GRHL1: variants seen among roughly 807,000 people sequenced by gnomAD.
The protein encoded by GRHL1 is grainyhead-like protein 1 homolog.
GRHL1 carries 38 observed loss-of-function variants against 75.7 expected under a neutral mutation model. The observed-to-expected ratio is 0.50, with a 90% CI of 0.39 to 0.66. GRHL1 has a LOEUF of 0.66. Ranked by LOEUF, GRHL1 falls within the 30% of genes least tolerant of loss-of-function variation. The pLI is 0.00. For synonymous variants in GRHL1, 266 were observed against 279.4 expected, an observed-to-expected ratio of 0.95 and a Z score of 0.48; for missense variants, 589 against 767.5, an observed-to-expected ratio of 0.77 and a Z score of 2.75.
rs1323046947 is a variant in GRHL1, at chr2:9,992,027, C to T, written c.1342C>T (p.Leu448=). The change falls in exon 11 of 16, where the codon CTG becomes TTG. Residue 448 remains leucine, a synonymous_variant. Transcript: ENST00000324907. This position sits in a 1 kb window ranked among gnomAD's most constrained non-coding sequence, Gnocchi z 4.6. ...TTCAGTTTCTGATGTTAAAGTGCCA[C>T]TGCTTCCCTCTCACAAGCGAATGGA... ...KRKVSDVKVP[L]LPSHKRMDIT... 6.2e-7 allele frequency: 1 copy of T among 1,604,660 alleles called. No homozygotes were observed. Among genetic ancestry groups the T allele is most frequent in the East Asian group, 2.2e-5 (1 of 44,778 alleles).
rs1553306759 is a variant in GRHL1 at position 9,998,423 on chromosome 2, C to CGTGTGTGTGT, written c.1678-542_1678-541insGTGTGTGTGT. ...AAAAACAAAAAGTCGAGTGACTATG[C>CGTGTGTGTGT]ATGTGTGTGTGTGTGTGTGTGTGTG... On this transcript the variant is annotated intron_variant, in intron 14 of 15. Transcript: ENST00000324907. Among the ~76,000 whole-genome samples, 258 of 33,846 alleles carry CGTGTGTGTGT rather than the reference C, an allele frequency of 7.6e-3. 9 individuals carry two copies. The highest frequency in any genetic ancestry group is 0.023 in the Admixed American group (57 of 2,464). 22.2% of individuals were successfully genotyped at this position (33,846 alleles called of 152,430 possible). A position where few individuals can be genotyped will look rare whatever the true frequency, so the allele number is the denominator to read the frequency against.
chr2:9,988,118 T>C (rs941035038), intron 9 of GRHL1, among the ~76,000 whole-genome samples: 4 of 152,200 alleles, frequency 2.6e-5, no homozygotes, highest in African/African-American at 9.7e-5. Context: ...TTCACCTTCC[T>C]GGGTGCTCGA....
At chr2:10,000,404 C>T (rs1037963043) in intron 15 of GRHL1, among the ~76,000 whole-genome samples, 189 bp from the exon 16 acceptor site, 9 of 152,316 alleles carry the variant, frequency 5.9e-5, no homozygotes, top group Admixed American at 5.2e-4. Flanking sequence ...TCAATTCTCT[C>T]AGCAATCCTA....
chr2:9,961,101 G>C lies in GRHL1; in HGVS notation c.334G>C (p.Val112Leu). The C allele has an allele frequency of 1.3e-6, 2 of 1,570,334 alleles. No homozygotes were observed. The highest frequency in any genetic ancestry group is 8.6e-7 in the Non-Finnish European group (1 of 1,156,992). ...CCTCATCTCTGCTGGAGAAAACAGA[G>C]TGCAAGTACTGAAAAATGTGCCATT... The part of the protein sequence containing the change: ...QPLISAGENR[V>L]QVLKNVPFNI... Residue 112 changes from valine (V) to leucine (L), a missense_variant, in exon 4 of 16, where the codon GTG becomes CTG. Around this residue, in one of 5 missense-constraint regions of GRHL1, gnomAD observed 362 missense variants for 461.8 expected, o/e 0.78. Transcript: ENST00000324907.
At chr2:9,983,923 G>A (rs1192292761) in intron 8 of GRHL1, among the ~76,000 whole-genome samples, 1 of 151,930 alleles carries the variant, frequency 6.6e-6, no homozygotes, top group African/African-American at 2.4e-5. Context: ...TTGGGAGGCC[G>A]AGGTGGGCGG....
intron 8 of GRHL1, among the ~76,000 whole-genome samples, chr2:9,981,516 C>T (rs1341132749): frequency 6.6e-6 from 1 of 152,230 alleles, no homozygotes; most frequent in Non-Finnish European, 1.5e-5. Flanking sequence ...CAGCTAGGTG[C>T]CTGCTTATAT....
chr2:9,998,773 CATATATACGT>C (rs1669093675), intron 14 of GRHL1, among the ~76,000 whole-genome samples, 182 bp from the exon 15 acceptor site: 1 of 28,378 alleles, frequency 3.5e-5, no homozygotes, highest in African/African-American at 2.4e-4. Context: ...TATGTACACA[CATATATACGT>C]ATATATATGT....
chr2:9,955,857 A>T (rs997218288), intron 2 of GRHL1, among the ~76,000 whole-genome samples: 2 of 152,210 alleles, frequency 1.3e-5, no homozygotes, highest in Non-Finnish European at 2.9e-5. Flanking sequence ...TCACCTCTCC[A>T]TTCTTCCTTC....
Position 9,996,340 on chromosome 2 carries a change from CAGA to C in GRHL1, c.1622_1624del (p.Glu541del), listed in dbSNP as rs747878550. 4.3e-6 allele frequency: 7 copies of C among 1,612,590 alleles called. No homozygotes were observed. The highest frequency in any genetic ancestry group is 1.3e-5 in the African/African-American group (1 of 74,870). On this transcript the variant is annotated inframe_deletion, in exon 14 of 16. Transcript: ENST00000324907. ...GTGCTGCTCTACGTTCGAAAGGAGT[CAGA>C]AGAAGTCTTTGATGCCCTGATGCTC...
At chr2:9,996,427 C>G in intron 14 of GRHL1, 26 bp downstream of exon 14, 1 of 1,388,660 alleles carries the variant, frequency 7.2e-7, no homozygotes, top group Non-Finnish European at 1.0e-6. Context: ...TCTGTAATCC[C>G]CTGTACAAAA....
chr2:9,999,972 T>G (rs1181019735), intron 15 of GRHL1, among the ~76,000 whole-genome samples: 1 of 152,216 alleles, frequency 6.6e-6, no homozygotes, highest in Non-Finnish European at 1.5e-5. Context: ...TGTAAGTTAG[T>G]GTTATTGATG....
At chr2:9,965,903 A>T (rs1306899522) in intron 8 of GRHL1, 1 of 152,250 alleles carries the variant, frequency 6.6e-6, no homozygotes, top group Non-Finnish European at 1.5e-5. Context: ...AGTTGGAGTA[A>T]CTCTAATTGG....
chr2:9,955,749 G>T (rs1421565773), intron 2 of GRHL1, among the ~76,000 whole-genome samples: 3 of 152,230 alleles, frequency 2.0e-5, no homozygotes, highest in Non-Finnish European at 4.4e-5. Flanking sequence ...CTCACTCAGA[G>T]GTCACAGCTA....
At chr2:9,954,745 C>A (rs1285823553) in intron 1 of GRHL1, 170 bp from the exon 2 acceptor site, 1 of 671,248 alleles carries the variant, frequency 1.5e-6, no homozygotes, top group Non-Finnish European at 2.7e-6. Context: ...ACTGTGGGAC[C>A]CATTGGTCTG....
rs768021121 is a variant in GRHL1, at chr2:9,954,931, G to T, written c.37G>T (p.Val13Phe). 1.2e-6 allele frequency: 2 copies of T among 1,613,354 alleles called. No homozygotes were observed. The highest frequency in any genetic ancestry group is 8.5e-7 in the Non-Finnish European group (1 of 1,179,354). The change falls in exon 2 of 16, where the codon GTT (valine) becomes TTT (phenylalanine). Residue 13 changes from valine to phenylalanine, a missense_variant. Physicochemically the swap from Val to Phe is conservative, Grantham distance 50. Around this residue, in one of 5 missense-constraint regions of GRHL1, gnomAD observed 362 missense variants for 461.8 expected, o/e 0.78. Transcript: ENST00000324907. The stretch of plus-strand genomic sequence containing the variant: ...TCTCTGAAGCAAACGGCCAGTGTTG[G>T]TTCTTCAGAATGAAGCACTTTATCC... ...QEYDNKRPVLVLQNEALYPQR... is the reference protein window; with the variant it reads ...QEYDNKRPVLFLQNEALYPQR...
Position 9,951,734 on chromosome 2 carries a change from C to T in GRHL1, c.-100C>T, listed in dbSNP as rs1430244188. On this transcript the variant is annotated 5_prime_UTR_variant, in exon 1 of 16. Transcript: ENST00000324907. This position sits in a 1 kb window ranked among gnomAD's most constrained non-coding sequence, Gnocchi z 4.2. The stretch of plus-strand genomic sequence containing the variant: ...ACCCAACCCGTCGGGGCCGCCGCTC[C>T]GGACCCGCAGCCGCCGCCGCCGCCT... 7 of 1,169,906 alleles carry T rather than the reference C, an allele frequency of 6.0e-6. No homozygotes were observed. The highest frequency in any genetic ancestry group is 5.5e-5 in the South Asian group (4 of 72,380). The allele number at this position is 1,169,906 out of a possible 1,614,324, so 72.5% of individuals were successfully genotyped here.
At position 9,951,905 on chromosome 2, in the gene GRHL1, C is replaced by A; in HGVS notation, c.20+52C>A. 1.5e-6 allele frequency: 2 copies of A among 1,323,982 alleles called. No individual in the cohort carries two copies. The highest frequency in any genetic ancestry group is 1.5e-5 in the South Asian group (1 of 67,190). The allele number at this position is 1,323,982 out of a possible 1,614,324, so 82.0% of individuals were successfully genotyped here. On this transcript the variant is annotated intron_variant, in intron 1 of 15. Coordinates refer to ENST00000324907, the MANE Select transcript of GRHL1 (RefSeq NM_198182.3). The surrounding 1 kb of genome is among the most constrained non-coding windows in gnomAD (Gnocchi z 4.2). ...CCGCGGGGGGGCCGCGCTGAGGGGC[C>A]GCACCTGCAGCGAGCGAGCCGGGCG...
In GRHL1 at chr2:9,990,291, C is replaced by T. The variant is rs944637363; in HGVS notation, c.1270-405C>T. Among the ~76,000 whole-genome samples, 20 of 152,118 alleles carry T rather than the reference C, an allele frequency of 1.3e-4. No homozygotes were observed. The East Asian group carries it at 3.9e-3, about 30-fold the overall frequency. On this transcript the variant is annotated intron_variant, in intron 9 of 15. Transcript: ENST00000324907. The surrounding 1 kb of genome is among the most constrained non-coding windows in gnomAD (Gnocchi z 4.2). ...TCAGCCTCCCAAGTAGCTGGGACTA[C>T]AGGTGCCCGCTACCACGCCTGGCTA... is the stretch of plus-strand genomic sequence containing the variant.
intron 12 of GRHL1, among the ~76,000 whole-genome samples, chr2:9,994,075 T>A (rs1323517154): frequency 6.6e-6 from 1 of 150,500 alleles, no homozygotes; most frequent in African/African-American, 2.5e-5. Context: ...ACGCTACCCC[T>A]CTTTGGGCTA....
Sources: gnomAD v4.1 joint callset for allele counts (sites outside exome capture counted in the v4.1 genomes callset) on GRCh38, gnomAD v4.1.1 for gene constraint, gnomAD v4.1.1 regional missense constraint, Gnocchi (gnomAD v3.1) non-coding constraint, MANE v1.5 for transcripts, NCBI Gene and HGNC (gene_info 2026-07-23, HGNC 2026-07-21) for gene names.